The following CHST11 variants were observed in gnomAD, a reference collection of about 807,000 sequenced individuals.
CHST11 encodes the protein carbohydrate sulfotransferase 11, also known as C4S-1.
CHST11 carries 9 observed loss-of-function variants against 30.4 expected under a neutral mutation model. That is an observed-to-expected ratio of 0.30 (90% CI 0.18 to 0.52). The LOEUF (loss-of-function observed/expected upper bound fraction) is 0.52, where lower values mean the gene tolerates loss of function less well. Among genes scored for constraint, CHST11 ranks in the 20% least tolerant of loss-of-function variants. The probability of loss-of-function intolerance (pLI) is 0.97; values close to 1 mark genes in which losing one functional copy is unlikely to be tolerated. For missense variants in CHST11, 348 were observed against 460.6 expected (o/e 0.76, Z 2.24); for synonymous variants, 152 against 187.8 (o/e 0.81, Z 1.56).
At chr12:104,641,927 C>T (rs1178933135) in intron 2 of CHST11, among the ~76,000 whole-genome samples, 2 of 152,194 alleles carry the variant, frequency 1.3e-5, no homozygotes, top group African/African-American at 4.8e-5. Context: ...GCACCCCATC[C>T]ACCCCAGGGA....
At chr12:104,680,467 A>T (rs1310866100) in intron 2 of CHST11, among the ~76,000 whole-genome samples, 1 of 152,218 alleles carries the variant, frequency 6.6e-6, no homozygotes, top group East Asian at 1.9e-4. Context: ...CACAGGGGCC[A>T]ATCTGCGGGG....
At position 104,735,615 on chromosome 12, in the gene CHST11, A is replaced by T. The variant is rs75288170; in HGVS notation, c.205-21334A>T. ...GAAGAGAGTGAGCAAATCCAGAGAGACTTGGGGGCAGGGGACTTGCTCCTG... is the reference window on the plus strand; with the variant it reads ...GAAGAGAGTGAGCAAATCCAGAGAGTCTTGGGGGCAGGGGACTTGCTCCTG... On this transcript the variant is annotated intron_variant, in intron 2 of 2. Coordinates refer to ENST00000303694, the MANE Select transcript of CHST11 (RefSeq NM_018413.6). Among the ~76,000 whole-genome samples, 544 of 152,186 alleles carry T rather than the reference A, an allele frequency of 3.6e-3. 24 individuals are homozygous for T. The East Asian group carries it at 0.091, about 25-fold the overall frequency.
At chr12:104,582,763 G>C (rs375150219) in intron 1 of CHST11, among the ~76,000 whole-genome samples, 2 of 151,906 alleles carry the variant, frequency 1.3e-5, no homozygotes, top group South Asian at 4.2e-4. Flanking sequence ...GAGGAAGGGA[G>C]GGTTATATAA....
intron 2 of CHST11, among the ~76,000 whole-genome samples, chr12:104,689,386 G>T (rs762337411): frequency 6.6e-6 from 1 of 152,206 alleles, no homozygotes; most frequent in African/African-American, 2.4e-5. Context: ...GCAGGCAGAC[G>T]CCTGAGACCC....
rs1565981227 is a variant in CHST11 at position 104,544,153 on chromosome 12, AGAAAGAAAGAAAG to A, written c.119-57752_119-57740del. ...AAAAAAAAAAAAAAGAAAGAAAGAA[AGAAAGAAAGAAAG>A]AAAGAAAGAAAGAAAGACCTGAAAA... is the stretch of plus-strand genomic sequence containing the variant. On this transcript the variant is annotated intron_variant, in intron 1 of 2. Transcript: ENST00000303694. 9.3e-4 allele frequency among the ~76,000 whole-genome samples: 31 copies of A among 33,328 alleles called. 3 individuals are homozygous for A. The highest frequency in any genetic ancestry group is 0.11 in the East Asian group (2 of 18). The allele number at this position is 33,328 out of a possible 152,430, so 21.9% of individuals were successfully genotyped here.
intron 1 of CHST11, among the ~76,000 whole-genome samples, chr12:104,574,867 AG>A (rs2038666493): frequency 6.7e-6 from 1 of 150,264 alleles, no homozygotes; most frequent in Non-Finnish European, 1.5e-5. Flanking sequence ...TTAAAAAAAA[AG>A]AAAAAAAGAA....
chr12:104,611,488 G>T (rs763037263), intron 2 of CHST11, among the ~76,000 whole-genome samples: 1 of 152,206 alleles, frequency 6.6e-6, no homozygotes, highest in Admixed American at 6.5e-5. Flanking sequence ...TTGAGGGAAG[G>T]AGCTATGTCT....
intron 2 of CHST11, among the ~76,000 whole-genome samples, chr12:104,712,736 C>T (rs867380391): frequency 1.3e-5 from 2 of 152,160 alleles, no homozygotes; most frequent in African/African-American, 4.8e-5. Flanking sequence ...CTAAAACCAA[C>T]GTCATCATTC....
In CHST11 at chr12:104,761,470, C is replaced by T. The variant is rs965690257; in HGVS notation, c.*3667C>T. The T allele has an allele frequency of 3.7e-5, 2 of 54,608 alleles. No individual in the cohort carries two copies. Among genetic ancestry groups the T allele is most frequent in the Non-Finnish European group, 6.1e-5 (1 of 16,512 alleles). The allele number at this position is 54,608 out of a possible 1,614,324, so 3.4% of individuals were successfully genotyped here. ...TTCCTAGCCAGTCCTCCCCTACACACACACACACACACACACACACACACA... is the reference window on the plus strand; with the variant it reads ...TTCCTAGCCAGTCCTCCCCTACACATACACACACACACACACACACACACA... On this transcript the variant is annotated 3_prime_UTR_variant, in exon 3 of 3. Transcript: ENST00000303694.
At chr12:104,470,204 G>A (rs1356081166) in intron 1 of CHST11, among the ~76,000 whole-genome samples, 1 of 152,224 alleles carries the variant, frequency 6.6e-6, no homozygotes, top group Non-Finnish European at 1.5e-5. Flanking sequence ...CCCTGTATTA[G>A]TCTGTTCTTA....
chr12:104,685,724 T>C (rs2039840202), intron 2 of CHST11, among the ~76,000 whole-genome samples: 2 of 152,184 alleles, frequency 1.3e-5, no homozygotes, highest in African/African-American at 4.8e-5. Context: ...GTGAAGAATT[T>C]TGTGTGAGAG....
At chr12:104,712,040 C>T (rs932161034) in intron 2 of CHST11, among the ~76,000 whole-genome samples, 2 of 152,072 alleles carry the variant, frequency 1.3e-5, no homozygotes, top group East Asian at 3.9e-4. Context: ...GGTAAGAACA[C>T]GTTAAGGTTG....
chr12:104,547,526 C>G (rs1305797489), intron 1 of CHST11, among the ~76,000 whole-genome samples: 1 of 152,112 alleles, frequency 6.6e-6, no homozygotes, highest in Non-Finnish European at 1.5e-5. Flanking sequence ...GTTTCCATGC[C>G]TGAGGAACAA....
At chr12:104,693,836 C>T (rs746204012) in intron 2 of CHST11, among the ~76,000 whole-genome samples, 3 of 152,080 alleles carry the variant, frequency 2.0e-5, no homozygotes, top group Non-Finnish European at 2.9e-5. Context: ...CCTCTGGGCT[C>T]GGGCACACCC....
intron 2 of CHST11, among the ~76,000 whole-genome samples, chr12:104,734,573 G>A (rs534768966): frequency 1.6e-4 from 25 of 152,266 alleles, no homozygotes; most frequent in African/African-American, 5.8e-4. Context: ...GGTGGAAAAC[G>A]GGGTGGCCTG....
At chr12:104,736,676 T>C (rs1263864771) in intron 2 of CHST11, among the ~76,000 whole-genome samples, 1 of 152,156 alleles carries the variant, frequency 6.6e-6, no homozygotes, top group East Asian at 1.9e-4. Context: ...GAGTCTGGCC[T>C]GTGAACTCTG....
intron 2 of CHST11, among the ~76,000 whole-genome samples, chr12:104,739,130 G>A (rs2136137507): frequency 6.6e-6 from 1 of 152,346 alleles, no homozygotes; most frequent in East Asian, 1.9e-4. Flanking sequence ...TGCCAGAGGA[G>A]CCCGGGTAGT....
intron 1 of CHST11, among the ~76,000 whole-genome samples, chr12:104,582,344 C>G (rs751411203): frequency 3.3e-5 from 5 of 152,140 alleles, no homozygotes; most frequent in Non-Finnish European, 7.3e-5. Context: ...GGCTACAGTG[C>G]TCTGCTCCTG....
chr12:104,607,593 C>A (rs1055876467), intron 2 of CHST11, among the ~76,000 whole-genome samples: 1 of 152,110 alleles, frequency 6.6e-6, no homozygotes, highest in Non-Finnish European at 1.5e-5. Flanking sequence ...CAGCACACTT[C>A]CCCATGTTAA....
Sources: allele counts gnomAD v4.1 joint callset (sites outside exome capture counted in the v4.1 genomes callset), GRCh38; gene constraint gnomAD v4.1.1; transcripts MANE v1.5; gene names NCBI Gene and HGNC (gene_info 2026-07-23, HGNC 2026-07-21).